STAU2: variants seen among roughly 807,000 people sequenced by gnomAD.
STAU2 encodes the protein double-stranded RNA-binding protein Staufen homolog 2.
Under a neutral mutation model 65.9 loss-of-function variants are expected in STAU2, and 20 were observed. The observed-to-expected ratio is 0.30, with a 90% CI of 0.21 to 0.44. STAU2 has a LOEUF of 0.44. STAU2 is among the 20% of genes least tolerant of loss of function. STAU2 has a pLI of 1.00. For synonymous variants in STAU2, 232 were observed against 233.9 expected (o/e 0.99, Z 0.07); for missense variants, 558 against 683.9 (o/e 0.82, Z 2.05).
At chr8:73,506,381 T>G (rs1208018627) in intron 13 of STAU2, among the ~76,000 whole-genome samples, 1 of 152,170 alleles carries the variant, frequency 6.6e-6, no homozygotes, top group African/African-American at 2.4e-5. Flanking sequence ...TCCAGACCAC[T>G]GCAATAGAGT....
chr8:73,483,305 C>T (rs978593816), intron 13 of STAU2, among the ~76,000 whole-genome samples: 6 of 152,016 alleles, frequency 3.9e-5, no homozygotes, highest in African/African-American at 7.2e-5. Flanking sequence ...GGGGAAAAAA[C>T]CTCACAAATT....
chr8:73,470,810 A>T (rs2128905484), intron 13 of STAU2, among the ~76,000 whole-genome samples: 1 of 136,864 alleles, frequency 7.3e-6, no homozygotes. Flanking sequence ...CCTCTAAAAA[A>T]AAAATTTTTT....
intron 6 of STAU2, among the ~76,000 whole-genome samples, chr8:73,669,466 G>A (rs1817498234): frequency 1.3e-5 from 2 of 152,048 alleles, no homozygotes; most frequent in Non-Finnish European, 2.9e-5. Flanking sequence ...ATTCTTAACA[G>A]AAAATTTAGA....
intron 4 of STAU2, among the ~76,000 whole-genome samples, chr8:73,708,048 G>A (rs535654203): frequency 6.6e-6 from 1 of 152,290 alleles, no homozygotes; most frequent in South Asian, 2.1e-4. Context: ...AGAGAGTCAG[G>A]ACATATAGCT....
rs540494755 is a variant in STAU2, at chr8:73,662,563, T to C, written c.410+10544A>G. On this transcript the variant is annotated intron_variant, in intron 6 of 14. Coordinates refer to ENST00000524300, the MANE Select transcript of STAU2 (RefSeq NM_001164380.2). ...ATGTCTATGACCCATTTCTGATTTA[T>C]TTTTGTCTGTGGTGTGAAGTCAAGG... 3.9e-5 allele frequency among the ~76,000 whole-genome samples: 6 copies of C among 152,134 alleles called. No individual in the cohort carries two copies. In the East Asian group the frequency reaches 1.2e-3, roughly 29 times the overall value.
intron 13 of STAU2, among the ~76,000 whole-genome samples, chr8:73,465,219 C>T (rs1047276547): frequency 6.6e-6 from 1 of 152,178 alleles, no homozygotes; most frequent in Non-Finnish European, 1.5e-5. Context: ...GGCCAAATAG[C>T]ACTGGGGTGT....
intron 12 of STAU2, among the ~76,000 whole-genome samples, chr8:73,576,225 C>A (rs560658512): frequency 6.6e-6 from 1 of 152,058 alleles, no homozygotes; most frequent in East Asian, 1.9e-4. Flanking sequence ...TCACAAAATC[C>A]TGAAAATATC....
chr8:73,724,582 C>A (rs1805489833), intron 3 of STAU2, among the ~76,000 whole-genome samples: 2 of 151,398 alleles, frequency 1.3e-5, no homozygotes, highest in Non-Finnish European at 2.9e-5. Flanking sequence ...TGATTTTGCC[C>A]AACTGTAGTC....
At chr8:73,720,406 T>C (rs537991430) in intron 3 of STAU2, among the ~76,000 whole-genome samples, 6 of 152,000 alleles carry the variant, frequency 3.9e-5, no homozygotes, top group Admixed American at 3.3e-4. Context: ...TTTCAAAATA[T>C]ATACATTTGG....
At chr8:73,686,953 C>T (rs927482894) in intron 5 of STAU2, among the ~76,000 whole-genome samples, 3 of 147,246 alleles carry the variant, frequency 2.0e-5, no homozygotes, top group Non-Finnish European at 3.0e-5. Flanking sequence ...AGTGTAGTGG[C>T]GTGATCTCGG....
chr8:73,585,986 G>A (rs1438794280), intron 11 of STAU2, among the ~76,000 whole-genome samples: 1 of 152,178 alleles, frequency 6.6e-6, no homozygotes, highest in Non-Finnish European at 1.5e-5. Context: ...GGTGCCTTTT[G>A]GCACAATTTT....
rs34533172 is a variant in STAU2 at position 73,591,882 on chromosome 8, T to TAAAAAA, written c.1161+3278_1161+3283dup. Among the ~76,000 whole-genome samples, 21 of 28,472 alleles carry TAAAAAA rather than the reference T, an allele frequency of 7.4e-4. 2 individuals carry two copies. The East Asian group carries it at 8.0e-3, about 11-fold the overall frequency. The allele number at this position is 28,472 out of a possible 152,430, so 18.7% of individuals were successfully genotyped here. On this transcript the variant is annotated intron_variant, in intron 11 of 14. Transcript: ENST00000524300. ...ACCCATACAGCGTGTATCCCAGAGG[T>TAAAAAA]AAAAAAAAAAAAAAAAAAAAAAAAA... is the stretch of plus-strand genomic sequence containing the variant.
At chr8:73,429,095 C>G (rs1484887795) in intron 13 of STAU2, among the ~76,000 whole-genome samples, 1 of 152,152 alleles carries the variant, frequency 6.6e-6, no homozygotes, top group African/African-American at 2.4e-5. Context: ...ATAACTCAAC[C>G]CACATCTCAC....
At chr8:73,590,301 T>C (rs1810679397) in intron 11 of STAU2, among the ~76,000 whole-genome samples, 1 of 150,508 alleles carries the variant, frequency 6.6e-6, no homozygotes, top group African/African-American at 2.5e-5. Flanking sequence ...AACCAAATTG[T>C]TGGAAAATAA....
chr8:73,730,887 G>A (rs1305786889), intron 3 of STAU2, among the ~76,000 whole-genome samples: 3 of 152,050 alleles, frequency 2.0e-5, no homozygotes, highest in African/African-American at 7.2e-5. Flanking sequence ...CATTGCTAAC[G>A]TCAAAGCAAG....
chr8:73,601,903 A>C (rs559268322), intron 10 of STAU2, among the ~76,000 whole-genome samples: 42 of 152,360 alleles, frequency 2.8e-4, no homozygotes, highest in Admixed American at 7.8e-4. Flanking sequence ...CATTCAAAGT[A>C]TATGTTCCAG....
At chr8:73,671,923 G>A (rs1436800499) in intron 6 of STAU2, among the ~76,000 whole-genome samples, 2 of 151,942 alleles carry the variant, frequency 1.3e-5, no homozygotes, top group Middle Eastern at 3.2e-3. Context: ...TACTCAGGAG[G>A]CTGACACACA....
At position 73,617,302 on chromosome 8, in the gene STAU2, C is replaced by G. The variant is rs774361806; in HGVS notation, c.560G>C (p.Arg187Thr). 6.2e-7 allele frequency: 1 copy of G among 1,614,014 alleles called. No homozygotes were observed. The highest frequency in any genetic ancestry group is 1.1e-5 in the South Asian group (1 of 91,072). ...QALQNEPIPE[R>T]SPQNGESGKD... ...GCAGCAGCACCACACCTGAGGAGAT[C>G]TTTCTGGAATAGGTTCATTCTGCAG... The change falls in exon 7 of 15, where the codon AGA becomes ACA. Residue 187 changes from arginine to threonine, a missense_variant. Around this residue, in one of 3 missense-constraint regions of STAU2, gnomAD observed 199 missense variants for 299.5 expected, o/e 0.66. Transcript: ENST00000524300.
chr8:73,714,067 C>A (rs1202902128), intron 3 of STAU2, among the ~76,000 whole-genome samples: 1 of 152,142 alleles, frequency 6.6e-6, no homozygotes. Flanking sequence ...CCACGCCCAG[C>A]TAATTTTGTT....
Sources: gnomAD v4.1 joint callset for allele counts (sites outside exome capture counted in the v4.1 genomes callset) on GRCh38, gnomAD v4.1.1 for gene constraint, gnomAD v4.1.1 regional missense constraint, MANE v1.5 for transcripts, NCBI Gene and HGNC (gene_info 2026-07-23, HGNC 2026-07-21) for gene names.